Variants in PTPRD observed in about 807,000 individuals in gnomAD.
PTPRD encodes protein tyrosine phosphatase receptor type D.
In PTPRD, 34 loss-of-function variants were observed where a neutral mutation model predicts 214.5. The observed-to-expected ratio is 0.16, with a 90% CI of 0.12 to 0.21. The LOEUF (loss-of-function observed/expected upper bound fraction) is 0.21. PTPRD is among the 10% of genes least tolerant of loss of function. PTPRD has a pLI of 1.00. For missense variants in PTPRD, 2,545 were observed against 2,398.7 expected, an observed-to-expected ratio of 1.06 and a Z score of -1.27; for synonymous variants, 1,128 against 845.7, an observed-to-expected ratio of 1.33 and a Z score of -5.79.
chr9:9,540,693 G>T (rs923420366), intron 8 of PTPRD, among the ~76,000 whole-genome samples: 11 of 151,764 alleles, frequency 7.2e-5, no homozygotes, highest in Non-Finnish European at 1.6e-4. Context: ...TTATATTACT[G>T]CATTTGTCGA....
At chr9:8,882,611 G>A (rs2098455557) in intron 11 of PTPRD, among the ~76,000 whole-genome samples, 1 of 152,102 alleles carries the variant, frequency 6.6e-6, no homozygotes, top group Non-Finnish European at 1.5e-5. Context: ...AGGGCCATGT[G>A]TGGTGGCTCA....
chr9:8,769,238 G>C (rs919907947), intron 11 of PTPRD, among the ~76,000 whole-genome samples: 5 of 152,164 alleles, frequency 3.3e-5, no homozygotes, highest in African/African-American at 1.2e-4. Context: ...ATTTGTTTGA[G>C]TTCATTCGGA....
In PTPRD at chr9:8,500,558, G is replaced by GAAAAAAAAA. The variant is rs146807692; in HGVS notation, c.2128+187_2128+195dup. Among the ~76,000 whole-genome samples, 95 of 14,316 alleles carry GAAAAAAAAA rather than the reference G, an allele frequency of 6.6e-3. 31 individuals carry two copies. Among genetic ancestry groups the GAAAAAAAAA allele is most frequent in the African/African-American group, 0.011 (34 of 3,192 alleles). 9.4% of individuals were successfully genotyped at this position (14,316 alleles called of 152,430 possible). A position where few individuals can be genotyped will look rare whatever the true frequency, so the allele number is the denominator to read the frequency against. ...TTACTGCATTGAGATTGAAAAAAATGAAAAAAAAAAAAAAAAAAAAAAAAA... is the reference window on the plus strand; with the variant it reads ...TTACTGCATTGAGATTGAAAAAAATGAAAAAAAAAAAAAAAAAAAAAAAAAAAAAAAAAA... On this transcript the variant is annotated intron_variant, in intron 24 of 45. Transcript: ENST00000381196.
Position 9,139,108 on chromosome 9 carries a change from C to T in PTPRD, c.-143+44196G>A, listed in dbSNP as rs926559311. ...TATGCAGGAGCCCCCCTCCCCCCCG[C>T]CCCCACCTTATCCGTGGGGGATACA... On this transcript the variant is annotated intron_variant, in intron 10 of 45. Coordinates refer to ENST00000381196, the MANE Select transcript of PTPRD (RefSeq NM_002839.4). Among the ~76,000 whole-genome samples the T allele has an allele frequency of 8.6e-5, 13 of 151,380 alleles. No homozygotes were observed. In the South Asian group the frequency reaches 1.3e-3, roughly 15 times the overall value.
chr9:8,783,100 A>T (rs1051447853), intron 11 of PTPRD, among the ~76,000 whole-genome samples: 1 of 152,238 alleles, frequency 6.6e-6, no homozygotes, highest in South Asian at 2.1e-4. Context: ...AAATTACAGC[A>T]TATCAACATG....
intron 39 of PTPRD, among the ~76,000 whole-genome samples, chr9:8,373,570 T>C (rs2082161734): frequency 6.6e-6 from 1 of 151,756 alleles, no homozygotes; most frequent in African/African-American, 2.4e-5. Flanking sequence ...AGCCTGTCTC[T>C]CTCAGAGGTG....
intron 11 of PTPRD, among the ~76,000 whole-genome samples, chr9:8,822,096 G>A (rs2097080403): frequency 6.6e-6 from 1 of 152,188 alleles, no homozygotes; most frequent in African/African-American, 2.4e-5. Flanking sequence ...AGTGGTTTTG[G>A]TTTTGGTTTT....
At chr9:9,351,357 C>A (rs561738042) in intron 9 of PTPRD, among the ~76,000 whole-genome samples, 4 of 152,006 alleles carry the variant, frequency 2.6e-5, no homozygotes, top group Non-Finnish European at 4.4e-5. Context: ...ACTATAGAAT[C>A]TGAAGGGATT....
intron 9 of PTPRD, among the ~76,000 whole-genome samples, chr9:9,219,645 A>G (rs1049575246): frequency 4.6e-5 from 7 of 152,316 alleles, no homozygotes; most frequent in African/African-American, 1.7e-4. Flanking sequence ...GAATGTATCA[A>G]GAGCAATCCC....
chr9:8,726,591 ATATATATATAT>A (rs2098569381), intron 12 of PTPRD, among the ~76,000 whole-genome samples: 2 of 11,636 alleles, frequency 1.7e-4, no homozygotes, highest in African/African-American at 1.0e-3. Flanking sequence ...AAAAAAAAAT[ATATATATATAT>A]ATATATATAT....
At chr9:10,569,712 C>T (rs1011120305) in intron 2 of PTPRD, among the ~76,000 whole-genome samples, 7 of 152,084 alleles carry the variant, frequency 4.6e-5, no homozygotes, top group Middle Eastern at 3.5e-3. Context: ...CATATTTCTC[C>T]AAAGTGAGAC....
chr9:9,371,347 G>A (rs7853228), intron 9 of PTPRD, among the ~76,000 whole-genome samples: 3 of 151,980 alleles, frequency 2.0e-5, no homozygotes, highest in African/African-American at 7.3e-5. Flanking sequence ...TTGGGAGGTT[G>A]TATGTGTCGA....
intron 2 of PTPRD, among the ~76,000 whole-genome samples, chr9:10,471,678 C>A (rs1215097453): frequency 2.0e-5 from 3 of 152,128 alleles, no homozygotes; most frequent in African/African-American, 7.2e-5. Context: ...ATTAATATTT[C>A]TTTGCTCATA....
At chr9:9,230,121 G>T (rs1219447879) in intron 9 of PTPRD, among the ~76,000 whole-genome samples, 1 of 151,998 alleles carries the variant, frequency 6.6e-6, no homozygotes, top group Non-Finnish European at 1.5e-5. Flanking sequence ...AGTGTATTTT[G>T]TTATTCATAA....
rs544198297 is a variant in PTPRD at position 8,449,375 on chromosome 9, T to C, written c.3988+350A>G. Among the ~76,000 whole-genome samples the C allele has an allele frequency of 2.0e-5, 3 of 152,256 alleles. No homozygotes were observed. The South Asian group carries it at 6.2e-4, about 32-fold the overall frequency. ...TGTGTACAGTCATCCATTTACTCAT[T>C]CATTCACTTGATGAGAAACTGAATT... On this transcript the variant is annotated intron_variant, in intron 34 of 45. Coordinates refer to ENST00000381196, the MANE Select transcript of PTPRD (RefSeq NM_002839.4).
chr9:10,196,749 A>C (rs1038026980), intron 3 of PTPRD, among the ~76,000 whole-genome samples: 4 of 152,142 alleles, frequency 2.6e-5, no homozygotes, highest in African/African-American at 9.7e-5. Context: ...CAGTGGACTG[A>C]ATGTTTGCAT....
At chr9:9,663,678 T>C (rs953690733) in intron 7 of PTPRD, among the ~76,000 whole-genome samples, 1 of 151,782 alleles carries the variant, frequency 6.6e-6, no homozygotes, top group South Asian at 2.1e-4. Flanking sequence ...CACTAACACC[T>C]GAATTTGATC....
chr9:10,133,510 T>C (rs2098917968), intron 3 of PTPRD, among the ~76,000 whole-genome samples: 1 of 152,030 alleles, frequency 6.6e-6, no homozygotes, highest in African/African-American at 2.4e-5. Flanking sequence ...TATAAGTACA[T>C]AAATGTGTAC....
chr9:9,714,212 T>C (rs1054530037), intron 7 of PTPRD, among the ~76,000 whole-genome samples: 3 of 152,182 alleles, frequency 2.0e-5, no homozygotes, highest in Non-Finnish European at 4.4e-5. Flanking sequence ...ATGCTACTTT[T>C]ACCATGGGGC....
Sources: allele counts gnomAD v4.1 joint callset (sites outside exome capture counted in the v4.1 genomes callset), GRCh38; gene constraint gnomAD v4.1.1; transcripts MANE v1.5; gene names NCBI Gene and HGNC (gene_info 2026-07-23, HGNC 2026-07-21).